CCDC146: variants seen among roughly 807,000 people sequenced by gnomAD.
The protein encoded by CCDC146 is coiled-coil domain-containing protein 146.
A neutral mutation model predicts 119.3 loss-of-function variants in CCDC146; 92 were observed. That is an observed-to-expected ratio of 0.77 (90% CI 0.65 to 0.92). The LOEUF (loss-of-function observed/expected upper bound fraction) is 0.92, where lower values mean the gene tolerates loss of function less well. Ranked by LOEUF, CCDC146 falls within the 40% of genes least tolerant of loss-of-function variation. CCDC146 has a pLI of 0.00. For missense variants in CCDC146, 1,000 were observed against 1,103.0 expected (o/e 0.91, Z 1.32); for synonymous variants, 372 against 371.8 (o/e 1.00, Z -0.01).
At chr7:77,274,738 T>G in intron 11 of CCDC146, 86 bp downstream of exon 11, 2 of 1,058,700 alleles carry the variant, frequency 1.9e-6, no homozygotes, top group Non-Finnish European at 2.7e-6. Flanking sequence ...AGGACATGGA[T>G]GAAGCTAGAA....
intron 2 of CCDC146, chr7:77,199,376 G>A (rs1791938303): frequency 1.9e-6 from 3 of 1,613,978 alleles, no homozygotes; most frequent in Non-Finnish European, 2.5e-6. Context: ...TCAGAGGACA[G>A]CTTGTTAACC....
intron 2 of CCDC146, among the ~76,000 whole-genome samples, chr7:77,211,973 A>C (rs1792193697): frequency 6.6e-6 from 1 of 152,220 alleles, no homozygotes; most frequent in African/African-American, 2.4e-5. Context: ...CTTAATTGTG[A>C]AACTCCAGGA....
chr7:77,267,289 G>A lies in CCDC146; in HGVS notation c.1173+4982G>A, dbSNP rs531565605. Among the ~76,000 whole-genome samples the A allele has an allele frequency of 4.6e-5, 7 of 152,142 alleles. No homozygotes were observed. The East Asian group carries it at 9.6e-4, about 21-fold the overall frequency. The stretch of plus-strand genomic sequence containing the variant: ...ATTACAGGTGTGAGCCATCGCGCCT[G>A]GCCCAATATTGCAAAGGATTCTGAG... On this transcript the variant is annotated intron_variant, in intron 9 of 18. Transcript: ENST00000285871.
chr7:77,294,485 TGTGTG>T (rs1794009449), intron 18 of CCDC146, among the ~76,000 whole-genome samples, 173 bp from the exon 19 acceptor site: 1 of 150,294 alleles, frequency 6.7e-6, no homozygotes, highest in African/African-American at 2.5e-5. Context: ...TGTGTGTGTG[TGTGTG>T]TGTGTGTGTG....
intron 2 of CCDC146, among the ~76,000 whole-genome samples, chr7:77,204,567 A>G (rs1220046205): frequency 6.6e-6 from 1 of 152,224 alleles, no homozygotes; most frequent in Non-Finnish European, 1.5e-5. Flanking sequence ...TTCACTATTA[A>G]TGAAACTACA....
chr7:77,276,135 G>A (rs1793630408), intron 11 of CCDC146, among the ~76,000 whole-genome samples: 1 of 151,000 alleles, frequency 6.6e-6, no homozygotes, highest in Non-Finnish European at 1.5e-5. Flanking sequence ...GAACCTAGGA[G>A]GTGGAGGTTG....
At chr7:77,229,027 G>A (rs1460848427) in intron 2 of CCDC146, among the ~76,000 whole-genome samples, 1 of 152,232 alleles carries the variant, frequency 6.6e-6, no homozygotes, top group East Asian at 1.9e-4. Flanking sequence ...TGACTGGTGT[G>A]AGATGGTGTC....
chr7:77,226,696 G>C (rs918939331), intron 2 of CCDC146, among the ~76,000 whole-genome samples: 1 of 152,116 alleles, frequency 6.6e-6, no homozygotes, highest in African/African-American at 2.4e-5. Flanking sequence ...CATTGTGTAT[G>C]CTCTTTGACA....
At chr7:77,139,086 T>C (rs976894468) in intron 1 of CCDC146, among the ~76,000 whole-genome samples, 91 of 152,218 alleles carry the variant, frequency 6.0e-4, no homozygotes, top group Admixed American at 1.0e-3. Context: ...TATTTATGAT[T>C]GCCAAAACTA....
chr7:77,220,806 T>C (rs1792390157), intron 2 of CCDC146, among the ~76,000 whole-genome samples: 1 of 152,216 alleles, frequency 6.6e-6, no homozygotes, highest in Non-Finnish European at 1.5e-5. Context: ...TGAGTAACTA[T>C]AGGCTGAGTT....
At chr7:77,168,595 A>C (rs1204486032) in intron 2 of CCDC146, among the ~76,000 whole-genome samples, 1 of 152,138 alleles carries the variant, frequency 6.6e-6, no homozygotes, top group African/African-American at 2.4e-5. Flanking sequence ...AGAATGCAAT[A>C]AAAAAGTAAT....
At chr7:77,228,873 G>A (rs1286337708) in intron 2 of CCDC146, among the ~76,000 whole-genome samples, 1 of 152,136 alleles carries the variant, frequency 6.6e-6, no homozygotes, top group Non-Finnish European at 1.5e-5. Flanking sequence ...ACATATGCAG[G>A]ATGTGCAGGT....
intron 14 of CCDC146, chr7:77,282,348 A>G: frequency 2.1e-6 from 1 of 480,674 alleles, no homozygotes; most frequent in Non-Finnish European, 3.7e-6. Flanking sequence ...GTCAGCCTCA[A>G]AGTTGAGAGG....
At chr7:77,184,475 A>G (rs1369003936) in intron 2 of CCDC146, among the ~76,000 whole-genome samples, 1 of 152,228 alleles carries the variant, frequency 6.6e-6, no homozygotes, top group Admixed American at 6.5e-5. Flanking sequence ...AATTTATTCC[A>G]TATAGGATAG....
chr7:77,266,845 C>G (rs1445349391), intron 9 of CCDC146, among the ~76,000 whole-genome samples: 2 of 152,108 alleles, frequency 1.3e-5, no homozygotes, highest in East Asian at 3.8e-4. Flanking sequence ...TCAAGACATT[C>G]AATGGATCCT....
chr7:77,279,974 C>T (rs2150546164), intron 13 of CCDC146, among the ~76,000 whole-genome samples: 1 of 152,224 alleles, frequency 6.6e-6, no homozygotes, highest in African/African-American at 2.4e-5. Context: ...AATATGATTT[C>T]CTAATCAGGT....
intron 1 of CCDC146, among the ~76,000 whole-genome samples, chr7:77,146,222 G>A (rs546080556): frequency 2.6e-5 from 4 of 152,120 alleles, no homozygotes; most frequent in South Asian, 4.1e-4. Context: ...TTTTATCAGA[G>A]ACTAGGATTG....
chr7:77,221,889 T>C (rs1792411074), intron 2 of CCDC146, among the ~76,000 whole-genome samples: 1 of 152,032 alleles, frequency 6.6e-6, no homozygotes, highest in Non-Finnish European at 1.5e-5. Flanking sequence ...GCAGAAAACA[T>C]AAAAGGGCTC....
chr7:77,254,906 C>T (rs1480459103), intron 5 of CCDC146, among the ~76,000 whole-genome samples: 1 of 152,228 alleles, frequency 6.6e-6, no homozygotes, highest in African/African-American at 2.4e-5. Context: ...CAAGTTATTA[C>T]AACAAATTTT....
Sources: allele counts gnomAD v4.1 joint callset (sites outside exome capture counted in the v4.1 genomes callset), GRCh38; gene constraint gnomAD v4.1.1; transcripts MANE v1.5; gene names NCBI Gene and HGNC (gene_info 2026-07-23, HGNC 2026-07-21).